Variants in LYST observed in about 807,000 individuals in gnomAD.
LYST encodes the protein lysosomal trafficking regulator.
In LYST, 192 loss-of-function variants were observed where a neutral mutation model predicts 413.6. The observed-to-expected ratio is 0.46, with a 90% CI of 0.41 to 0.52. The LOEUF (loss-of-function observed/expected upper bound fraction) is 0.52, where lower values mean the gene tolerates loss of function less well. Among genes scored for constraint, LYST ranks in the 20% least tolerant of loss-of-function variants. The probability of loss-of-function intolerance (pLI) is 0.00; values close to 1 mark genes in which losing one functional copy is unlikely to be tolerated. For missense variants in LYST, 3,815 were observed against 4,499.9 expected, an observed-to-expected ratio of 0.85 and a Z score of 4.35; for synonymous variants, 1,525 against 1,567.3, an observed-to-expected ratio of 0.97 and a Z score of 0.64.
Position 235,770,162 on chromosome 1 carries a change from G to A in LYST, c.5920C>T (p.Gln1974Ter). 1 of 1,613,040 alleles carries A rather than the reference G, an allele frequency of 6.2e-7. No homozygotes were observed. The highest frequency in any genetic ancestry group is 8.5e-7 in the Non-Finnish European group (1 of 1,179,588). ...HHFLLTCQVL[Q>*]EYKEGQLTPM... is the part of the protein sequence containing the mutation. ...AAGTAAAGTTACATGAAAAGTACCT[G>A]CAAAACCTGACAAGTCAGTAGAAAG... Residue 1974 changes from glutamine to a stop codon, truncating the protein, a stop_gained and splice_region_variant, in exon 20 of 53, where the codon CAG (glutamine) becomes TAG (stop). Transcript: ENST00000389793. LOFTEE classifies it high-confidence loss of function.
At chr1:235,700,191 C>G (rs551501585) in intron 45 of LYST, among the ~76,000 whole-genome samples, 1 of 152,048 alleles carries the variant, frequency 6.6e-6, no homozygotes, top group Non-Finnish European at 1.5e-5. Context: ...GATTTCATGA[C>G]GAAAAGGCCA....
chr1:235,756,663 A>T (rs868734351), intron 24 of LYST, among the ~76,000 whole-genome samples: 1 of 152,202 alleles, frequency 6.6e-6, no homozygotes, highest in South Asian at 2.1e-4. Context: ...TTACTCATTC[A>T]ATAATATACT....
At chr1:235,734,416 G>A (rs1664641511) in intron 32 of LYST, 67 bp downstream of exon 32, 5 of 1,229,352 alleles carry the variant, frequency 4.1e-6, no homozygotes, top group Non-Finnish European at 6.0e-6. Context: ...TCTTAAAAAA[G>A]TAGTGTCAAT....
chr1:235,735,791 G>A (rs1309189977), intron 31 of LYST: 1 of 152,062 alleles, frequency 6.6e-6, no homozygotes, highest in Admixed American at 6.5e-5. Context: ...ATGAACATAT[G>A]CAATGGTGAA....
intron 50 of LYST, among the ~76,000 whole-genome samples, chr1:235,666,558 A>G (rs1259534242): frequency 6.6e-6 from 1 of 150,592 alleles, no homozygotes; most frequent in African/African-American, 2.5e-5. Flanking sequence ...TGGAATGGCA[A>G]ATTTTATTTA....
chr1:235,757,751 G>C, intron 23 of LYST, among the ~76,000 whole-genome samples: 1 of 152,106 alleles, frequency 6.6e-6, no homozygotes, highest in East Asian at 1.9e-4. Flanking sequence ...TTCCTCAGTT[G>C]CATCAGCCAC....
chr1:235,870,314 C>T (rs1157096470), upstream of LYST, among the ~76,000 whole-genome samples: 1 of 152,220 alleles, frequency 6.6e-6, no homozygotes, highest in Non-Finnish European at 1.5e-5. Flanking sequence ...CCATAGCCCA[C>T]ACCTGTGTCA....
At chr1:235,773,761 T>TA in intron 19 of LYST, 81 bp downstream of exon 19, 1 of 1,173,830 alleles carries the variant, frequency 8.5e-7, no homozygotes, top group Non-Finnish European at 1.3e-6. Flanking sequence ...AACTGAAACT[T>TA]AAAAATGCTT....
intron 3 of LYST, among the ~76,000 whole-genome samples, chr1:235,823,428 A>G (rs529224125): frequency 9.6e-4 from 147 of 152,364 alleles, no homozygotes; most frequent in African/African-American, 2.7e-3. Context: ...TTATTCTCCT[A>G]TTGAAACAAC....
At chr1:235,869,469 C>A (rs564649104), upstream of LYST, among the ~76,000 whole-genome samples, 1 of 149,468 alleles carries the variant, frequency 6.7e-6, no homozygotes, top group African/African-American at 2.5e-5. Flanking sequence ...GAGACTCCGT[C>A]TCAAAAAAAA....
At chr1:235,717,395 G>C in intron 40 of LYST, among the ~76,000 whole-genome samples, 1 of 152,124 alleles carries the variant, frequency 6.6e-6, no homozygotes, top group East Asian at 1.9e-4. Flanking sequence ...TGTCAGTGCC[G>C]GTGTTCACAT....
rs540335501 is a variant in LYST, at chr1:235,695,971, A to G, written c.10564+1112T>C. ...AATTTTTTAAAGGTAAATAATTCAC[A>G]CATGTTGGTACTTTGGTATTATTAG... is the stretch of plus-strand genomic sequence containing the variant. On this transcript the variant is annotated intron_variant, in intron 46 of 52. Coordinates refer to ENST00000389793, the MANE Select transcript of LYST (RefSeq NM_000081.4). Among the ~76,000 whole-genome samples the G allele has an allele frequency of 2.0e-5, 3 of 152,286 alleles. No individual in the cohort carries two copies. In the South Asian group the frequency reaches 6.2e-4, roughly 32 times the overall value.
At chr1:235,770,406 T>C in intron 19 of LYST, 109 bp from the exon 20 acceptor site, 1 of 983,026 alleles carries the variant, frequency 1.0e-6, no homozygotes, top group Admixed American at 1.8e-5. Flanking sequence ...ATATATTCAG[T>C]ATCAAAGATT....
chr1:235,755,868 C>G (rs2103332918), intron 24 of LYST, among the ~76,000 whole-genome samples: 1 of 152,214 alleles, frequency 6.6e-6, no homozygotes, highest in Non-Finnish European at 1.5e-5. Flanking sequence ...TAATGTTTCT[C>G]TCATGGGGAA....
chr1:235,741,857 C>T (rs1025188358), intron 30 of LYST, among the ~76,000 whole-genome samples: 11 of 152,180 alleles, frequency 7.2e-5, no homozygotes, highest in Non-Finnish European at 1.2e-4. Context: ...TGGAAACAGT[C>T]TGAACGTCCA....
At chr1:235,701,934 T>C (rs1310009359) in intron 45 of LYST, among the ~76,000 whole-genome samples, 1 of 152,208 alleles carries the variant, frequency 6.6e-6, no homozygotes, top group Non-Finnish European at 1.5e-5. Flanking sequence ...AAAGTAATAT[T>C]ACAAGGAATA....
chr1:235,858,259 A>C (rs866175276), intron 1 of LYST, among the ~76,000 whole-genome samples: 1 of 152,234 alleles, frequency 6.6e-6, no homozygotes. Flanking sequence ...AAAGTTACTC[A>C]ATCTCACTGA....
At chr1:235,819,114 C>CTGCT (rs1674479820) in intron 3 of LYST, among the ~76,000 whole-genome samples, 1 of 152,214 alleles carries the variant, frequency 6.6e-6, no homozygotes, top group East Asian at 1.9e-4. Context: ...TTTGGCCCCT[C>CTGCT]TGCTGGAATT....
intron 31 of LYST, among the ~76,000 whole-genome samples, chr1:235,741,137 A>G (rs1665367265): frequency 6.6e-6 from 1 of 152,256 alleles, no homozygotes; most frequent in African/African-American, 2.4e-5. Flanking sequence ...CAATCCTTAA[A>G]TAAAACACTT....
Sources: gnomAD v4.1 joint callset for allele counts (sites outside exome capture counted in the v4.1 genomes callset) on GRCh38, gnomAD v4.1.1 for gene constraint, MANE v1.5 for transcripts, NCBI Gene and HGNC (gene_info 2026-07-23, HGNC 2026-07-21) for gene names.